DNAJA3: variants seen among roughly 807,000 people sequenced by gnomAD.
DNAJA3 encodes dnaJ homolog subfamily A member 3, mitochondrial.
Under a neutral mutation model 54.9 loss-of-function variants are expected in DNAJA3, and 29 were observed. The ratio of observed to expected loss-of-function variants is 0.53; its 90% CI spans 0.39 to 0.72. The LOEUF (loss-of-function observed/expected upper bound fraction) is 0.72. Among genes scored for constraint, DNAJA3 ranks in the 30% least tolerant of loss-of-function variants. DNAJA3 has a pLI of 0.00. For synonymous variants in DNAJA3, 302 were observed against 251.4 expected, an observed-to-expected ratio of 1.20 and a Z score of -1.90; for missense variants, 708 against 639.4, an observed-to-expected ratio of 1.11 and a Z score of -1.16.
intron 3 of DNAJA3, among the ~76,000 whole-genome samples, chr16:4,438,659 A>G (rs1231879123): frequency 1.0e-4 from 5 of 48,134 alleles, no homozygotes; most frequent in Non-Finnish European, 2.0e-4. Context: ...TTTTTTGCTT[A>G]AGAGACAGGG....
intron 11 of DNAJA3, 104 bp downstream of exon 11, chr16:4,455,031 G>A: frequency 1.3e-6 from 1 of 783,644 alleles, no homozygotes; most frequent in Non-Finnish European, 2.1e-6. Flanking sequence ...CCAGGAGTTG[G>A]AACAGGTGCC....
chr16:4,427,542 C>T (rs185139766), intron 1 of DNAJA3, among the ~76,000 whole-genome samples: 117 of 152,264 alleles, frequency 7.7e-4, no homozygotes, highest in African/African-American at 2.7e-3. Context: ...CCTTCGAGCA[C>T]CTGTCTGAAA....
chr16:4,428,882 A>ATTTT (rs766170292), intron 1 of DNAJA3, among the ~76,000 whole-genome samples: 70 of 108,450 alleles, frequency 6.5e-4, no homozygotes, highest in African/African-American at 1.1e-3. Flanking sequence ...CTACAAAAAG[A>ATTTT]TTTTTTTTTT....
At chr16:4,442,006 A>G (rs1421053989) in intron 4 of DNAJA3, among the ~76,000 whole-genome samples, 3 of 152,192 alleles carry the variant, frequency 2.0e-5, no homozygotes, top group Non-Finnish European at 4.4e-5. Flanking sequence ...AGTGCCATGT[A>G]CGAGTATTTA....
intron 9 of DNAJA3, 32 bp from the exon 10 acceptor site, chr16:4,450,368 A>T (rs2056962661): frequency 6.4e-7 from 1 of 1,557,434 alleles, no homozygotes; most frequent in African/African-American, 1.4e-5. Context: ...TCCCGGCGGA[A>T]GCCTTGGCTG....
In DNAJA3 at chr16:4,444,802, A is replaced by G. The variant is rs576572431; in HGVS notation, c.996+74A>G. Reference sequence around the variant, plus strand: ...GGTGGGTGTGGCTGAGGCTGCTCCCATGTAATCAAAGCTTCACAGGAACAT... The same window carrying G: ...GGTGGGTGTGGCTGAGGCTGCTCCCGTGTAATCAAAGCTTCACAGGAACAT... On this transcript the variant is annotated intron_variant, in intron 7 of 11. Transcript: ENST00000262375. 31 of 1,340,260 alleles carry G rather than the reference A, an allele frequency of 2.3e-5. No individual in the cohort carries two copies. In the African/African-American group the frequency reaches 3.3e-4, roughly 14 times the overall value. The allele number at this position is 1,340,260 out of a possible 1,614,324, so 83.0% of individuals were successfully genotyped here.
At position 4,437,377 on chromosome 16, in the gene DNAJA3, G is replaced by T. The variant is rs190038505; in HGVS notation, c.346-25G>T. On this transcript the variant is annotated intron_variant, in intron 2 of 11. Transcript: ENST00000262375. ...ATTTGGGGTTCACATTGTATCTGGA[G>T]TAATTTATCATGTTTTTCCCTTAGC... The T allele has an allele frequency of 4.4e-6, 7 of 1,601,162 alleles. No individual in the cohort carries two copies. In the African/African-American group the frequency reaches 9.4e-5, roughly 21 times the overall value.
At chr16:4,434,147 C>T (rs1259960127) in intron 1 of DNAJA3, 10 of 492,140 alleles carry the variant, frequency 2.0e-5, no homozygotes, top group Admixed American at 3.9e-5. Context: ...AACTTACTAT[C>T]GCGAGACCAG....
At position 4,436,877 on chromosome 16, in the gene DNAJA3, A is replaced by G. The variant is rs138682676; in HGVS notation, c.346-525A>G. Among the ~76,000 whole-genome samples the G allele has an allele frequency of 1.5e-3, 234 of 151,908 alleles. 5 individuals carry two copies. The highest frequency in any genetic ancestry group is 0.013 in the Admixed American group (203 of 15,242). On this transcript the variant is annotated intron_variant, in intron 2 of 11. Transcript: ENST00000262375. ...GTTTTTCTTTTTTGTTCATTTACCTATTCTAAGCCATGCTGGGTGCTAAGG... is the reference window on the plus strand; with the variant it reads ...GTTTTTCTTTTTTGTTCATTTACCTGTTCTAAGCCATGCTGGGTGCTAAGG...
At chr16:4,444,229 C>T (rs1172602248) in intron 6 of DNAJA3, among the ~76,000 whole-genome samples, 1 of 151,970 alleles carries the variant, frequency 6.6e-6, no homozygotes, top group Admixed American at 6.6e-5. Flanking sequence ...CATTGTTCCT[C>T]GTTAATAAGA....
Position 4,456,539 on chromosome 16 carries a change from G to C in DNAJA3, c.*1007G>C, listed in dbSNP as rs938168365. On this transcript the variant is annotated 3_prime_UTR_variant, in exon 12 of 12. Coordinates refer to ENST00000262375, the MANE Select transcript of DNAJA3 (RefSeq NM_005147.6). The stretch of plus-strand genomic sequence containing the variant: ...GAAGGTTCCCCACCATTCAGTGAGA[G>C]CAGAACCCCCATTCCCCAGCCTCTG... 2.0e-5 allele frequency: 3 copies of C among 152,660 alleles called. No individual in the cohort carries two copies. Among genetic ancestry groups the C allele is most frequent in the African/African-American group, 7.2e-5 (3 of 41,468 alleles). The allele number at this position is 152,660 out of a possible 1,614,324, so 9.5% of individuals were successfully genotyped here.
chr16:4,441,298 AT>A (rs2056832775), intron 3 of DNAJA3, 76 bp from the exon 4 acceptor site: 1 of 1,361,570 alleles, frequency 7.3e-7, no homozygotes. Flanking sequence ...TGGCTGCCTT[AT>A]TTGCTGTGAA....
At chr16:4,429,184 G>C (rs1392452170) in intron 1 of DNAJA3, among the ~76,000 whole-genome samples, 4 of 151,106 alleles carry the variant, frequency 2.6e-5, no homozygotes, top group Admixed American at 1.3e-4. Context: ...ACCGCGCCCG[G>C]CCAAGATTTT....
chr16:4,435,162 A>G (rs2056758660), intron 2 of DNAJA3, among the ~76,000 whole-genome samples: 1 of 151,960 alleles, frequency 6.6e-6, no homozygotes, highest in African/African-American at 2.4e-5. Context: ...AGCCTCCCAA[A>G]GTGCTGGGAT....
At chr16:4,434,339 T>A in intron 1 of DNAJA3, 45 bp from the exon 2 acceptor site, 1 of 1,599,974 alleles carries the variant, frequency 6.3e-7, no homozygotes, top group Non-Finnish European at 8.5e-7. Flanking sequence ...TTTTCTTTTG[T>A]TGAGAACATT....
chr16:4,439,945 T>G (rs1483405061), intron 3 of DNAJA3, among the ~76,000 whole-genome samples: 38 of 152,186 alleles, frequency 2.5e-4, no homozygotes. Flanking sequence ...TAGTGCCTAT[T>G]TTTTTGAGAT....
At chr16:4,451,752 GAAA>G (rs57814611) in intron 10 of DNAJA3, among the ~76,000 whole-genome samples, 4 of 41,842 alleles carry the variant, frequency 9.6e-5, no homozygotes, top group African/African-American at 4.7e-4. Context: ...GAGACTCTCT[GAAA>G]AAAAAAAAAA....
chr16:4,447,222 T>G, intron 8 of DNAJA3: 1 of 586,138 alleles, frequency 1.7e-6, no homozygotes, highest in Non-Finnish European at 3.0e-6. Flanking sequence ...GGGAAGCAGT[T>G]CCTGGCTGGC....
chr16:4,437,227 T>C (rs72766601), intron 2 of DNAJA3, among the ~76,000 whole-genome samples, 175 bp from the exon 3 acceptor site: 2,747 of 152,262 alleles, frequency 0.018, 45 homozygotes, highest in Non-Finnish European at 0.026. Context: ...TGCCTTCACT[T>C]CCCAAAGTGT....
Sources: allele counts gnomAD v4.1 joint callset (sites outside exome capture counted in the v4.1 genomes callset), GRCh38; gene constraint gnomAD v4.1.1; transcripts MANE v1.5; gene names NCBI Gene and HGNC (gene_info 2026-07-23, HGNC 2026-07-21).